PRDM11: variants seen among roughly 807,000 people sequenced by gnomAD.
PRDM11 encodes PR/SET domain 11.
A neutral mutation model predicts 97.8 loss-of-function variants in PRDM11; 20 were observed. That is an observed-to-expected ratio of 0.20 (90% CI 0.14 to 0.30). The LOEUF (loss-of-function observed/expected upper bound fraction) is 0.30, where lower values mean the gene tolerates loss of function less well. Ranked by LOEUF, PRDM11 falls within the 10% of genes least tolerant of loss-of-function variation. The probability of loss-of-function intolerance (pLI) is 1.00; values close to 1 mark genes in which losing one functional copy is unlikely to be tolerated. For synonymous variants in PRDM11, 599 were observed against 637.7 expected (o/e 0.94, Z 0.91); for missense variants, 1,139 against 1,555.2 (o/e 0.73, Z 4.50).
At chr11:45,171,072 G>A (rs1480665875) in intron 1 of PRDM11, among the ~76,000 whole-genome samples, 2 of 151,970 alleles carry the variant, frequency 1.3e-5, no homozygotes, top group African/African-American at 4.8e-5. Flanking sequence ...GAAGGTTATG[G>A]GTTTTTTGTT....
At chr11:45,122,208 C>CAG (rs1565237359) in intron 1 of PRDM11, among the ~76,000 whole-genome samples, 159 of 100,700 alleles carry the variant, frequency 1.6e-3, no homozygotes, top group African/African-American at 4.3e-3. Flanking sequence ...CACAGACACA[C>CAG]ACACACACAC....
chr11:45,180,728 C>G (rs1360004895), intron 1 of PRDM11, among the ~76,000 whole-genome samples: 1 of 149,898 alleles, frequency 6.7e-6, no homozygotes, highest in Non-Finnish European at 1.5e-5. Flanking sequence ...GAGCTCCCCG[C>G]CGGGAAGGCT....
intron 1 of PRDM11, among the ~76,000 whole-genome samples, chr11:45,180,582 C>A (rs1241726520): frequency 6.6e-6 from 1 of 151,526 alleles, no homozygotes; most frequent in Non-Finnish European, 1.5e-5. Context: ...CCGCTCCCTG[C>A]GCGCCCCCCT....
upstream of PRDM11, among the ~76,000 whole-genome samples, chr11:45,141,688 G>C (rs922883581): frequency 2.0e-5 from 3 of 152,152 alleles, no homozygotes; most frequent in Admixed American, 1.3e-4. Flanking sequence ...ACCAGCCCTA[G>C]GCCAAAGCTC....
chr11:45,211,319 C>T (rs1395779541), intron 5 of PRDM11, among the ~76,000 whole-genome samples: 4 of 152,188 alleles, frequency 2.6e-5, no homozygotes, highest in East Asian at 1.9e-4. Context: ...ACCTGTCTGT[C>T]CTCCCCATCA....
At chr11:45,191,317 T>C (rs1443794896) in intron 4 of PRDM11, among the ~76,000 whole-genome samples, 2 of 152,190 alleles carry the variant, frequency 1.3e-5, no homozygotes, top group African/African-American at 4.8e-5. Flanking sequence ...TGTCTTGTCT[T>C]TTACTCAATG....
intron 4 of PRDM11, among the ~76,000 whole-genome samples, chr11:45,195,963 A>G (rs941046861): frequency 4.6e-5 from 7 of 152,182 alleles, no homozygotes; most frequent in Non-Finnish European, 5.9e-5. Flanking sequence ...TTTGGCTATT[A>G]TGAATAATGC....
intron 1 of PRDM11, among the ~76,000 whole-genome samples, chr11:45,099,560 T>TC (rs1851937960): frequency 6.6e-6 from 1 of 151,588 alleles, no homozygotes; most frequent in African/African-American, 2.4e-5. Context: ...CTTTTTTTTT[T>TC]ACTTTTTTTA....
chr11:45,204,598 G>A, intron 4 of PRDM11, 113 bp from the exon 5 acceptor site: 1 of 931,636 alleles, frequency 1.1e-6, no homozygotes, highest in Non-Finnish European at 1.7e-6. Flanking sequence ...ACATTTCAGG[G>A]GGAGGGGGAG....
In PRDM11 at chr11:45,226,986, C is replaced by T; in HGVS notation, c.2361C>T (p.Asn787=). 1 of 1,533,960 alleles carries T rather than the reference C, an allele frequency of 6.5e-7. No individual in the cohort carries two copies. Among genetic ancestry groups the T allele is most frequent in the Non-Finnish European group, 8.7e-7 (1 of 1,146,734 alleles). ...ELPCLEELEN[N]LKQLLSFYRY... ...CATGCCTGGAGGAGCTGGAGAACAA[C>T]CTGAAGCAGCTGCTGAGCTTCTACC... Residue 787 remains asparagine (N), a synonymous_variant, in exon 8 of 8, where the codon AAC becomes AAT. Transcript: ENST00000683152.
chr11:45,221,999 C>T (rs1334328463), intron 6 of PRDM11, among the ~76,000 whole-genome samples: 1 of 152,148 alleles, frequency 6.6e-6, no homozygotes, highest in Non-Finnish European at 1.5e-5. Context: ...GGTAGGCACC[C>T]TGATGGAGTC....
intron 1 of PRDM11, among the ~76,000 whole-genome samples, chr11:45,177,172 C>T (rs2135726703): frequency 6.6e-6 from 1 of 152,350 alleles, no homozygotes; most frequent in Non-Finnish European, 1.5e-5. Flanking sequence ...ATTCCAGGAT[C>T]CTGGCACCCT....
chr11:45,183,147 TG>T, intron 4 of PRDM11, 24 bp downstream of exon 4: 1 of 1,591,244 alleles, frequency 6.3e-7, no homozygotes, highest in Non-Finnish European at 8.6e-7. Context: ...GGGCTATTCA[TG>T]GGAGAGGTTG....
At chr11:45,094,722 C>T (rs976997669), upstream of PRDM11, among the ~76,000 whole-genome samples, 9 of 72,032 alleles carry the variant, frequency 1.2e-4, no homozygotes, top group East Asian at 1.5e-3. Flanking sequence ...GAGGAAAAGA[C>T]GGAAGGAGGG....
chr11:45,128,057 C>A (rs1852622746), intron 1 of PRDM11, among the ~76,000 whole-genome samples: 2 of 152,252 alleles, frequency 1.3e-5, no homozygotes, highest in Admixed American at 1.3e-4. Context: ...TGGCAGGCGC[C>A]CCTCCCCCAG....
At chr11:45,173,649 C>T (rs886414296) in intron 1 of PRDM11, among the ~76,000 whole-genome samples, 1 of 150,016 alleles carries the variant, frequency 6.7e-6, no homozygotes, top group Non-Finnish European at 1.5e-5. Context: ...AAAAGTTCTG[C>T]GGGAGGGACC....
chr11:45,124,996 G>T (rs1163861278), intron 1 of PRDM11, among the ~76,000 whole-genome samples: 1 of 152,106 alleles, frequency 6.6e-6, no homozygotes, highest in African/African-American at 2.4e-5. Context: ...GTAAGCTATT[G>T]ATTATTGCCA....
chr11:45,182,152 C>A, intron 2 of PRDM11, 94 bp from the exon 3 acceptor site: 2 of 1,095,082 alleles, frequency 1.8e-6, no homozygotes, highest in Non-Finnish European at 2.7e-6. Flanking sequence ...CACATCTTCT[C>A]GGTCTCCTGG....
intron 4 of PRDM11, among the ~76,000 whole-genome samples, chr11:45,199,847 G>A (rs1188176009): frequency 1.3e-5 from 2 of 152,054 alleles, no homozygotes; most frequent in Admixed American, 6.5e-5. Context: ...TCTGCCTAGG[G>A]CACCATCTCT....
Sources: gnomAD v4.1 joint callset for allele counts (sites outside exome capture counted in the v4.1 genomes callset) on GRCh38, gnomAD v4.1.1 for gene constraint, MANE v1.5 for transcripts, NCBI Gene and HGNC (gene_info 2026-07-23, HGNC 2026-07-21) for gene names.